The following ZFR variants were observed in gnomAD, a reference collection of about 807,000 sequenced individuals.
ZFR encodes zinc finger RNA-binding protein.
ZFR carries 19 observed loss-of-function variants against 130.7 expected under a neutral mutation model. That is an observed-to-expected ratio of 0.15 (90% CI 0.10 to 0.21). The LOEUF (loss-of-function observed/expected upper bound fraction) is 0.21, where lower values mean the gene tolerates loss of function less well. Ranked by LOEUF, ZFR falls within the 10% of genes least tolerant of loss-of-function variation. The probability of loss-of-function intolerance (pLI) is 1.00; values close to 1 mark genes in which losing one functional copy is unlikely to be tolerated. For missense variants in ZFR, 872 were observed against 1,321.5 expected (o/e 0.66, Z 5.27); for synonymous variants, 466 against 456.9 (o/e 1.02, Z -0.25).
At chr5:32,406,410 T>C (rs1343407218) in intron 6 of ZFR, among the ~76,000 whole-genome samples, 5 of 152,200 alleles carry the variant, frequency 3.3e-5, no homozygotes, top group Admixed American at 6.5e-5. Context: ...TAAAGAATTT[T>C]GAATAAAGGC....
intron 4 of ZFR, among the ~76,000 whole-genome samples, 192 bp from the exon 5 acceptor site, chr5:32,415,379 A>G (rs1475382844): frequency 6.6e-6 from 1 of 152,144 alleles, no homozygotes; most frequent in Non-Finnish European, 1.5e-5. Context: ...TAAATATACT[A>G]TCTTCTGCCA....
intron 19 of ZFR, among the ~76,000 whole-genome samples, chr5:32,358,385 G>A (rs1752358493): frequency 6.6e-6 from 1 of 152,094 alleles, no homozygotes; most frequent in South Asian, 2.1e-4. Flanking sequence ...TTAAGGCCGG[G>A]CGCGGTGGCG....
At chr5:32,408,528 A>T (rs1753628413) in intron 5 of ZFR, among the ~76,000 whole-genome samples, 1 of 152,162 alleles carries the variant, frequency 6.6e-6, no homozygotes, top group African/African-American at 2.4e-5. Flanking sequence ...CTTGGTAATA[A>T]ATCTAAAAAC....
At chr5:32,382,474 T>C (rs1752954970) in intron 15 of ZFR, among the ~76,000 whole-genome samples, 1 of 152,236 alleles carries the variant, frequency 6.6e-6, no homozygotes, top group South Asian at 2.1e-4. Context: ...ATCTCTAAAA[T>C]GTTTCTAAAT....
chr5:32,364,067 G>A (rs547262180), intron 18 of ZFR, 22 bp from the exon 19 acceptor site: 26 of 1,610,176 alleles, frequency 1.6e-5, no homozygotes, highest in Non-Finnish European at 2.1e-5. Context: ...ACCACAGGGA[G>A]AGGAAATTAT....
intron 14 of ZFR, 47 bp downstream of exon 14, chr5:32,387,502 T>A (rs367931171): frequency 1.1e-4 from 170 of 1,598,150 alleles, no homozygotes; most frequent in Non-Finnish European, 1.4e-4. Context: ...CGCCAAAAAC[T>A]TCTGAACCAG....
rs1752487430 is a variant in ZFR, at chr5:32,364,048, A to T, written c.2948-3T>A. 6.2e-7 allele frequency: 1 copy of T among 1,613,820 alleles called. No homozygotes were observed. The highest frequency in any genetic ancestry group is 1.7e-5 in the Admixed American group (1 of 59,994). On this transcript the variant is annotated splice_region_variant and splice_polypyrimidine_tract_variant and intron_variant, in intron 18 of 19. Transcript: ENST00000265069. ...AGGATCCAGAAGTCCAGGACTACCT[A>T]CAGCAATCACCACAGGGAGAGGAAA...
At chr5:32,417,116 CT>C (rs1753845381) in intron 4 of ZFR, among the ~76,000 whole-genome samples, 1 of 111,004 alleles carries the variant, frequency 9.0e-6, no homozygotes, top group Non-Finnish European at 1.9e-5. Context: ...TATCAAGTCT[CT>C]CTCTAAAAAA....
At chr5:32,438,916 G>C (rs1754399606) in intron 2 of ZFR, among the ~76,000 whole-genome samples, 1 of 152,316 alleles carries the variant, frequency 6.6e-6, no homozygotes, top group South Asian at 2.1e-4. Flanking sequence ...CCAAGTCTTA[G>C]AGAAGCTGAT....
intron 2 of ZFR, among the ~76,000 whole-genome samples, chr5:32,435,713 T>A (rs1487437382): frequency 1.3e-5 from 2 of 152,214 alleles, no homozygotes; most frequent in Admixed American, 6.5e-5. Context: ...GCCCATTTAA[T>A]GCTGACTACC....
intron 8 of ZFR, among the ~76,000 whole-genome samples, 198 bp downstream of exon 8, chr5:32,402,908 T>C (rs958812835): frequency 6.6e-6 from 1 of 151,862 alleles, no homozygotes; most frequent in African/African-American, 2.4e-5. Flanking sequence ...TATATCTGTA[T>C]GGCTGAAGGG....
chr5:32,377,432 G>T (rs1448545142), intron 17 of ZFR, among the ~76,000 whole-genome samples: 2 of 151,188 alleles, frequency 1.3e-5, no homozygotes, highest in African/African-American at 4.9e-5. Flanking sequence ...CACCCGCCTC[G>T]GCCTCCCAAA....
intron 17 of ZFR, 53 bp from the exon 18 acceptor site, chr5:32,364,328 T>C: frequency 2.1e-6 from 3 of 1,421,222 alleles, no homozygotes; most frequent in Non-Finnish European, 2.9e-6. Context: ...GAATTACTCA[T>C]TTTCAAACTA....
chr5:32,417,535 C>T (rs1561910604), intron 4 of ZFR, 113 bp downstream of exon 4: 1 of 1,362,100 alleles, frequency 7.3e-7, no homozygotes, highest in African/African-American at 1.4e-5. Context: ...AACCTGCCTC[C>T]TAAGATGATG....
At chr5:32,381,343 C>T (rs1026110649) in intron 15 of ZFR, among the ~76,000 whole-genome samples, 13 of 152,108 alleles carry the variant, frequency 8.5e-5, no homozygotes, top group African/African-American at 3.1e-4. Context: ...AGCAAATCTG[C>T]TAATCAAGCT....
At chr5:32,371,220 A>G (rs1190884074) in intron 17 of ZFR, among the ~76,000 whole-genome samples, 2 of 151,982 alleles carry the variant, frequency 1.3e-5, no homozygotes, top group African/African-American at 4.8e-5. Flanking sequence ...AAATAAAGAC[A>G]TTAGTCAGGT....
intron 17 of ZFR, among the ~76,000 whole-genome samples, chr5:32,370,042 T>G (rs1752626063): frequency 6.6e-6 from 1 of 152,028 alleles, no homozygotes; most frequent in Non-Finnish European, 1.5e-5. Context: ...GAGCCTGGAT[T>G]CTTGCACTTA....
At chr5:32,365,774 A>T (rs1752528154) in intron 17 of ZFR, among the ~76,000 whole-genome samples, 1 of 151,872 alleles carries the variant, frequency 6.6e-6, no homozygotes, top group South Asian at 2.1e-4. Context: ...ATGCCTGGCT[A>T]ATTTTTGTAG....
chr5:32,394,872 T>G (rs1457065165), intron 11 of ZFR, among the ~76,000 whole-genome samples: 2 of 152,198 alleles, frequency 1.3e-5, no homozygotes, highest in Non-Finnish European at 2.9e-5. Flanking sequence ...TTTGCTTGTT[T>G]GAAACCGAGG....
Sources: allele counts gnomAD v4.1 joint callset (sites outside exome capture counted in the v4.1 genomes callset), GRCh38; gene constraint gnomAD v4.1.1; transcripts MANE v1.5; gene names NCBI Gene and HGNC (gene_info 2026-07-23, HGNC 2026-07-21).